The following PLOD1 variants were observed in gnomAD, a reference collection of about 807,000 sequenced individuals.
The protein encoded by PLOD1 is lysine hydroxylase.
Under a neutral mutation model 94.7 loss-of-function variants are expected in PLOD1, and 70 were observed. The observed-to-expected ratio is 0.74, with a 90% CI of 0.61 to 0.90. PLOD1 has a LOEUF of 0.90. PLOD1 is among the 40% of genes least tolerant of loss of function. PLOD1 has a pLI of 0.00. For missense variants in PLOD1, 905 were observed against 972.7 expected, an observed-to-expected ratio of 0.93 and a Z score of 0.93; for synonymous variants, 417 against 400.2, an observed-to-expected ratio of 1.04 and a Z score of -0.50.
rs904641087 is a variant in PLOD1 at position 11,975,072 on chromosome 1, T to G, written c.*264T>G. The G allele has an allele frequency of 7.4e-6, 4 of 538,456 alleles. No individual in the cohort carries two copies. The highest frequency in any genetic ancestry group is 1.3e-5 in the Non-Finnish European group (4 of 299,420). 33.4% of individuals were successfully genotyped at this position (538,456 alleles called of 1,614,324 possible). A position where few individuals can be genotyped will look rare whatever the true frequency, so the allele number is the denominator to read the frequency against. The stretch of plus-strand genomic sequence containing the variant: ...ACTTTTACTGCTTTGTAGTGACTCG[T>G]GCTCTCCAACCTGTCTTCCTGAAAA... On this transcript the variant is annotated 3_prime_UTR_variant, in exon 19 of 19. Coordinates refer to ENST00000196061, the MANE Select transcript of PLOD1 (RefSeq NM_000302.4).
At position 11,952,976 on chromosome 1, in the gene PLOD1, C is replaced by G. The variant is rs72641004; in HGVS notation, c.579+241C>G. ...GTCAGAGCCCTCTAACTGGTACAGA[C>G]ACAGCTGACTTCTCTCTGTGTCCTC... On this transcript the variant is annotated intron_variant, in intron 5 of 18. Coordinates refer to ENST00000196061, the MANE Select transcript of PLOD1 (RefSeq NM_000302.4). Among the ~76,000 whole-genome samples, 41,677 of 152,090 alleles carry G rather than the reference C, an allele frequency of 0.27. 8,473 individuals are homozygous for G. The highest frequency in any genetic ancestry group is 0.58 in the African/African-American group (23,894 of 41,466).
intron 2 of PLOD1, 107 bp from the exon 3 acceptor site, chr1:11,949,666 C>T (rs1241266296): frequency 1.0e-5 from 12 of 1,146,292 alleles, no homozygotes; most frequent in Admixed American, 9.3e-5. Context: ...GTGGTCCACA[C>T]GTCTCGGCCT....
At position 11,947,168 on chromosome 1, in the gene PLOD1, C is replaced by T. The variant is rs888671790; in HGVS notation, c.77-808C>T. ...CCTGTAGTCCCAGCTACTCAGGAGG[C>T]GGAGGTTGCAGTGAGTTGAGATTGT... On this transcript the variant is annotated intron_variant, in intron 1 of 18. Transcript: ENST00000196061. 2.0e-5 allele frequency among the ~76,000 whole-genome samples: 3 copies of T among 150,640 alleles called. No individual in the cohort carries two copies. In the East Asian group the frequency reaches 5.9e-4, roughly 29 times the overall value.
rs750148215 is a variant in PLOD1, at chr1:11,950,471, G to A, written c.417G>A (p.Glu139=). 4 of 1,613,972 alleles carry A rather than the reference G, an allele frequency of 2.5e-6. No individual in the cohort carries two copies. Among genetic ancestry groups the A allele is most frequent in the East Asian group, 4.5e-5 (2 of 44,896 alleles). The change falls in exon 4 of 19, where the codon GAG becomes GAA. Residue 139 remains glutamate, a synonymous_variant. Transcript: ENST00000196061. ...EELIYPDRRL[E]TKYPVVSDGK... is the part of the protein sequence containing the mutation. ...TCATCTACCCAGACCGCAGGCTGGA[G>A]ACCAAGTATCCGGTGGTGTCCGATG... is the stretch of plus-strand genomic sequence containing the variant.
At chr1:11,944,703 A>C in intron 1 of PLOD1, 1 of 1,249,894 alleles carries the variant, frequency 8.0e-7, no homozygotes, top group Non-Finnish European at 1.0e-6. Context: ...TGGTGTATCC[A>C]CCCCCTCCTC....
chr1:11,944,440 CACACA>C, intron 1 of PLOD1: 2 of 876,342 alleles, frequency 2.3e-6, no homozygotes, highest in Non-Finnish European at 3.3e-6. Context: ...CACACACACA[CACACA>C]CACACACACT....
chr1:11,964,323 T>TGTGTGGGTCCGGGGGGGGGGGGGGG, intron 12 of PLOD1, 23 bp downstream of exon 12: 1 of 274,732 alleles, frequency 3.6e-6, no homozygotes, highest in East Asian at 8.3e-5. Context: ...AGGGTGGGGG[T>TGTGTGGGTCCGGGGGGGGGGGGGGG]GGGTGGGGGA....
At chr1:11,971,253 G>T (rs1028154756) in intron 17 of PLOD1, among the ~76,000 whole-genome samples, 1 of 138,336 alleles carries the variant, frequency 7.2e-6, no homozygotes, top group Non-Finnish European at 1.6e-5. Flanking sequence ...GGCCAGGGGT[G>T]GGTGGGGGCT....
rs1290981087 is a variant in PLOD1 at position 11,958,027 on chromosome 1, C to T, written c.843+84C>T. ...GCGAGATGGGTGATTCTGGAATAGA[C>T]TCCATTGTCTTTGGTGGAAAGTGAA... is the stretch of plus-strand genomic sequence containing the variant. On this transcript the variant is annotated intron_variant, in intron 8 of 18. Coordinates refer to ENST00000196061, the MANE Select transcript of PLOD1 (RefSeq NM_000302.4). The surrounding 1 kb of genome is among the most constrained non-coding windows in gnomAD (Gnocchi z 4.3). 1.8e-5 allele frequency: 17 copies of T among 935,140 alleles called. No individual in the cohort carries two copies. Among genetic ancestry groups the T allele is most frequent in the Non-Finnish European group, 3.0e-5 (17 of 564,622 alleles). 57.9% of individuals were successfully genotyped at this position (935,140 alleles called of 1,614,324 possible).
At chr1:11,968,133 T>C (rs1306712034) in intron 16 of PLOD1, among the ~76,000 whole-genome samples, 5 of 152,006 alleles carry the variant, frequency 3.3e-5, no homozygotes, top group African/African-American at 1.2e-4. Flanking sequence ...TTTGTATTTT[T>C]AGTAGACACT....
Position 11,957,261 on chromosome 1 carries a change from C to G in PLOD1, c.741+247C>G. Reference sequence around the variant, plus strand: ...AGGAGGCTGCCATCCCCTTCCAGGCCTAGGCTGGGCTACCAGAGCCATCTG... The same window carrying G: ...AGGAGGCTGCCATCCCCTTCCAGGCGTAGGCTGGGCTACCAGAGCCATCTG... On this transcript the variant is annotated intron_variant, in intron 7 of 18. Transcript: ENST00000196061. This position sits in a 1 kb window ranked among gnomAD's most constrained non-coding sequence, Gnocchi z 4.1. 1 of 705,672 alleles carries G rather than the reference C, an allele frequency of 1.4e-6. No homozygotes were observed. Among genetic ancestry groups the G allele is most frequent in the Non-Finnish European group, 2.7e-6 (1 of 374,864 alleles). 43.7% of individuals were successfully genotyped at this position (705,672 alleles called of 1,614,324 possible).
chr1:11,952,202 C>CA (rs1645707941), intron 4 of PLOD1, among the ~76,000 whole-genome samples: 1 of 152,238 alleles, frequency 6.6e-6, no homozygotes, highest in South Asian at 2.1e-4. Flanking sequence ...TGCCAGGTCT[C>CA]AGCCCCCAAG....
chr1:11,962,486 C>T (rs1645785476), intron 10 of PLOD1, among the ~76,000 whole-genome samples: 1 of 150,904 alleles, frequency 6.6e-6, no homozygotes, highest in Non-Finnish European at 1.5e-5. Context: ...CCGTGTTAGC[C>T]AGGATGGTCT....
chr1:11,952,757 A>C (rs1645712327), intron 5 of PLOD1, 22 bp downstream of exon 5: 2 of 1,540,404 alleles, frequency 1.3e-6, no homozygotes, highest in Non-Finnish European at 1.8e-6. Context: ...TGGGCGGGCC[A>C]AGGAGAGGGG....
chr1:11,947,914 C>A (rs762765040), intron 1 of PLOD1, 62 bp from the exon 2 acceptor site: 3 of 1,067,164 alleles, frequency 2.8e-6, no homozygotes, highest in Admixed American at 3.4e-5. Context: ...GGAACAAAGA[C>A]CTCCTCCCTG....
chr1:11,964,095 A>G (rs1206692408), intron 11 of PLOD1, 80 bp from the exon 12 acceptor site: 1 of 1,425,240 alleles, frequency 7.0e-7, no homozygotes, highest in Non-Finnish European at 9.9e-7. Flanking sequence ...AGGGGCACCT[A>G]CCTCCCCCCA....
At chr1:11,946,449 C>T (rs972692833) in intron 1 of PLOD1, among the ~76,000 whole-genome samples, 5 of 152,110 alleles carry the variant, frequency 3.3e-5, no homozygotes, top group Non-Finnish European at 7.4e-5. Context: ...CACTCTGGGC[C>T]GACTCATTGG....
At chr1:11,947,138 G>A (rs1047679570) in intron 1 of PLOD1, among the ~76,000 whole-genome samples, 2 of 151,786 alleles carry the variant, frequency 1.3e-5, no homozygotes, top group East Asian at 1.9e-4. Flanking sequence ...GCATGGTGGC[G>A]AGTGCCTGTA....
rs767162156 is a variant in PLOD1 at position 11,975,164 on chromosome 1, T to C, written c.*356T>C. 1.4e-4 allele frequency: 50 copies of C among 350,914 alleles called. No homozygotes were observed. The highest frequency in any genetic ancestry group is 2.1e-4 in the African/African-American group (10 of 47,430). The allele number at this position is 350,914 out of a possible 1,614,324, so 21.7% of individuals were successfully genotyped here. A position where few individuals can be genotyped will look rare whatever the true frequency, so the allele number is the denominator to read the frequency against. ...TGAGCAGAACAGGGGCTTCCCCAAG[T>C]TGCCCAGAAAGACTGTCTGGGTGAG... On this transcript the variant is annotated 3_prime_UTR_variant, in exon 19 of 19. Transcript: ENST00000196061.
Sources: gnomAD v4.1 joint callset for allele counts (sites outside exome capture counted in the v4.1 genomes callset) on GRCh38, gnomAD v4.1.1 for gene constraint, Gnocchi (gnomAD v3.1) non-coding constraint, MANE v1.5 for transcripts, NCBI Gene and HGNC (gene_info 2026-07-23, HGNC 2026-07-21) for gene names.